ATG7: variants seen among roughly 807,000 people sequenced by gnomAD.
The protein encoded by ATG7 is ubiquitin-like modifier-activating enzyme ATG7.
A neutral mutation model predicts 82.4 loss-of-function variants in ATG7; 70 were observed. That is an observed-to-expected ratio of 0.85 (90% confidence interval 0.70 to 1.04). The LOEUF (loss-of-function observed/expected upper bound fraction) is 1.04, where lower values mean the gene tolerates loss of function less well. ATG7 is among the 50% of genes least tolerant of loss of function. The pLI, the probability that ATG7 is intolerant of heterozygous loss-of-function variation, is 0.00. For synonymous variants in ATG7, 287 were observed against 313.0 expected, an observed-to-expected ratio of 0.92 and a Z score of 0.88; for missense variants, 792 against 864.3, an observed-to-expected ratio of 0.92 and a Z score of 1.05.
the ATG7 span, among the ~76,000 whole-genome samples, chr3:11,566,236 C>T: frequency 6.6e-6 from 1 of 152,206 alleles, no homozygotes; most frequent in Non-Finnish European, 1.5e-5. Flanking sequence ...ACACCACACA[C>T]ACACACGCAT....
intron 19 of ATG7, among the ~76,000 whole-genome samples, chr3:11,395,872 G>A (rs867658019): frequency 7.4e-5 from 11 of 149,394 alleles, no homozygotes; most frequent in Admixed American, 2.7e-4. Context: ...CCGAGGAGGC[G>A]GAGCTCGCAG....
chr3:11,446,510 A>G (rs757778513), intron 20 of ATG7: 1 of 448,720 alleles, frequency 2.2e-6, no homozygotes. Context: ...TACTTTTAGC[A>G]CTAAGAAGAT....
intron 14 of ATG7, among the ~76,000 whole-genome samples, chr3:11,352,885 G>A (rs2075668048): frequency 6.6e-6 from 1 of 152,206 alleles, no homozygotes; most frequent in Non-Finnish European, 1.5e-5. Context: ...GGACCAGAGA[G>A]TGGTGGGAAA....
At chr3:11,570,218 G>A in the ATG7 span, among the ~76,000 whole-genome samples, 18 of 152,094 alleles carry the variant, frequency 1.2e-4, no homozygotes, top group African/African-American at 4.3e-4. Flanking sequence ...CAGCCGCTCA[G>A]GGTCGTCACA....
rs142167613 is a variant in ATG7 at position 11,346,994 on chromosome 3, C to A, written c.1126-883C>A. On this transcript the variant is annotated intron_variant, in intron 13 of 20. Transcript: ENST00000693202. Reference sequence around the variant, plus strand: ...GGAAAGATATTGAAATAAGAGAGAGCAGAATCTTAGCCTTGTAGCCAGTCA... The same window carrying A: ...GGAAAGATATTGAAATAAGAGAGAGAAGAATCTTAGCCTTGTAGCCAGTCA... Among the ~76,000 whole-genome samples the A allele has an allele frequency of 2.8e-4, 43 of 152,334 alleles. No individual in the cohort carries two copies. In the East Asian group the frequency reaches 7.3e-3, roughly 26 times the overall value.
intron 20 of ATG7, among the ~76,000 whole-genome samples, chr3:11,431,370 C>T (rs1024359495): frequency 6.6e-6 from 1 of 152,190 alleles, no homozygotes; most frequent in Non-Finnish European, 1.5e-5. Context: ...TGTTGCACTC[C>T]AGCCTGCAAG....
intron 19 of ATG7, among the ~76,000 whole-genome samples, chr3:11,412,452 A>G (rs889886395): frequency 6.6e-6 from 1 of 152,130 alleles, no homozygotes; most frequent in Admixed American, 6.5e-5. Flanking sequence ...CTTGTCAAAA[A>G]TTGAGACTGT....
chr3:11,395,776 T>G (rs932102706), intron 19 of ATG7, among the ~76,000 whole-genome samples: 3 of 151,602 alleles, frequency 2.0e-5, no homozygotes, highest in Admixed American at 1.3e-4. Context: ...CCGTCTCTAC[T>G]AAAAATACAA....
At chr3:11,280,675 C>T (rs1035563881) in intron 1 of ATG7, among the ~76,000 whole-genome samples, 11 of 152,110 alleles carry the variant, frequency 7.2e-5, no homozygotes, top group African/African-American at 2.7e-4. Context: ...CTTCTTTTGT[C>T]ATGAAATTGA....
intron 20 of ATG7, among the ~76,000 whole-genome samples, chr3:11,430,995 T>C (rs190171005): frequency 2.3e-3 from 357 of 152,362 alleles, no homozygotes; most frequent in Middle Eastern, 6.8e-3. Context: ...AAGTCTTTAG[T>C]ATATTACTCA....
At chr3:11,427,006 A>C in intron 20 of ATG7, 80 bp downstream of exon 20, 1 of 1,446,162 alleles carries the variant, frequency 6.9e-7, no homozygotes, top group Non-Finnish European at 9.2e-7. Flanking sequence ...AAAAGGAAGA[A>C]AGCAATTAAT....
At chr3:11,308,843 A>G in intron 6 of ATG7, 141 bp from the exon 7 acceptor site, 1 of 760,192 alleles carries the variant, frequency 1.3e-6, no homozygotes, top group Non-Finnish European at 2.3e-6. Flanking sequence ...TGAGGTAACA[A>G]CCCACTTCAT....
intron 20 of ATG7, among the ~76,000 whole-genome samples, chr3:11,484,139 A>G (rs1393194196): frequency 2.0e-5 from 3 of 152,170 alleles, no homozygotes; most frequent in East Asian, 1.9e-4. Context: ...CACACCTGTA[A>G]TCCCAGCAAT....
rs182113283 is a variant in ATG7, at chr3:11,428,216, G to T, written c.2079+1290G>T. ...CAAAGATCTATAAATTCCTCCATAG[G>T]TTGCATATCCTCACCATTCAGGGAG... On this transcript the variant is annotated intron_variant, in intron 20 of 20. Coordinates refer to ENST00000693202, the MANE Select transcript of ATG7 (RefSeq NM_001349232.2). 8.5e-5 allele frequency among the ~76,000 whole-genome samples: 13 copies of T among 152,284 alleles called. No homozygotes were observed. In the East Asian group the frequency reaches 2.5e-3, roughly 29 times the overall value.
chr3:11,371,226 G>A (rs1355556416), intron 18 of ATG7, among the ~76,000 whole-genome samples: 1 of 151,156 alleles, frequency 6.6e-6, no homozygotes, highest in African/African-American at 2.4e-5. Flanking sequence ...GGGAACATTT[G>A]TTTATTTGAA....
the ATG7 span, among the ~76,000 whole-genome samples, chr3:11,566,643 C>T: frequency 9.2e-5 from 14 of 152,312 alleles, no homozygotes; most frequent in East Asian, 2.5e-3. Flanking sequence ...CCACTCTCTG[C>T]CTCTGTGGCT....
intron 19 of ATG7, among the ~76,000 whole-genome samples, chr3:11,419,509 ACG>A (rs531415485): frequency 1.2e-4 from 18 of 152,160 alleles, no homozygotes; most frequent in Non-Finnish European, 2.2e-4. Flanking sequence ...AGCCAAGATC[ACG>A]TCACTGTACT....
At chr3:11,534,205 AG>A (rs577102057) in intron 20 of ATG7, among the ~76,000 whole-genome samples, 37 of 152,384 alleles carry the variant, frequency 2.4e-4, no homozygotes, top group Non-Finnish European at 4.1e-4. Flanking sequence ...AGATTCCAGC[AG>A]CACCCTAGGT....
At chr3:11,518,320 G>A (rs945762755) in intron 20 of ATG7, among the ~76,000 whole-genome samples, 17 of 152,228 alleles carry the variant, frequency 1.1e-4, no homozygotes, top group African/African-American at 4.1e-4. Context: ...GCCAAGGTGG[G>A]TGGATCACAA....
Sources: gnomAD v4.1 joint callset for allele counts (sites outside exome capture counted in the v4.1 genomes callset) on GRCh38, gnomAD v4.1.1 for gene constraint, MANE v1.5 for transcripts, NCBI Gene and HGNC (gene_info 2026-07-23, HGNC 2026-07-21) for gene names.